The following FAT3 variants were observed in gnomAD, a reference collection of about 807,000 sequenced individuals.
The protein encoded by FAT3 is FAT atypical cadherin 3, also known as protocadherin Fat 3.
FAT3 carries 95 observed loss-of-function variants against 310.2 expected under a neutral mutation model. The ratio of observed to expected loss-of-function variants is 0.31; its 90% confidence interval spans 0.26 to 0.36. The LOEUF is 0.36. FAT3 is among the 10% of genes least tolerant of loss of function. FAT3 has a pLI of 1.00. For synonymous variants in FAT3, 2,314 were observed against 2,192.9 expected, an observed-to-expected ratio of 1.06 and a Z score of -1.54; for missense variants, 5,408 against 5,715.6, an observed-to-expected ratio of 0.95 and a Z score of 1.74.
chr11:92,308,886 C>T (rs1947211352), intron 1 of FAT3, among the ~76,000 whole-genome samples: 1 of 151,918 alleles, frequency 6.6e-6, no homozygotes, highest in African/African-American at 2.4e-5. Context: ...AGTTTCCAGG[C>T]TGTTTTGTTT....
At chr11:92,674,671 C>T in intron 3 of FAT3, among the ~76,000 whole-genome samples, 1 of 152,164 alleles carries the variant, frequency 6.6e-6, no homozygotes, top group Non-Finnish European at 1.5e-5. Flanking sequence ...TACAGGCATG[C>T]TCCACCATGC....
At position 92,883,343 on chromosome 11, in the gene FAT3, G is replaced by A. The variant is rs770812535; in HGVS notation, c.12887G>A (p.Arg4296His). ...AACCTCCCCGCCGTGTCACCCTGCC[G>A]CTCCGACTGCGACTCCATCCGGAAG... ...APNLPAVSPC[R>H]SDCDSIRKNG... Residue 4296 changes from arginine (R) to histidine (H), a missense_variant, in exon 24 of 28, where the codon CGC becomes CAC. By Grantham distance (29) the Arg-to-His change is conservative. Coordinates refer to ENST00000525166, the MANE Select transcript of FAT3 (RefSeq NM_001367949.2). This position sits in a 1 kb window ranked among gnomAD's most constrained non-coding sequence, Gnocchi z 4.2. The A allele has an allele frequency of 1.2e-6, 2 of 1,609,838 alleles. No homozygotes were observed. Among genetic ancestry groups the A allele is most frequent in the South Asian group, 2.2e-5 (2 of 90,942 alleles).
intron 3 of FAT3, among the ~76,000 whole-genome samples, chr11:92,666,796 A>C (rs937856560): frequency 6.6e-6 from 1 of 152,160 alleles, no homozygotes; most frequent in Non-Finnish European, 1.5e-5. Context: ...TAGTCCAGCC[A>C]TATTGCCGCA....
At chr11:92,397,000 C>T (rs1432990837) in intron 2 of FAT3, among the ~76,000 whole-genome samples, 3 of 152,134 alleles carry the variant, frequency 2.0e-5, no homozygotes, top group African/African-American at 7.2e-5. Context: ...AGCCACCACG[C>T]CTTGGCCCTC....
At position 92,844,060 on chromosome 11, in the gene FAT3, T is replaced by G. The variant is rs1161936028; in HGVS notation, c.10693T>G (p.Phe3565Val). 8 of 1,613,976 alleles carry G rather than the reference T, an allele frequency of 5.0e-6. No individual in the cohort carries two copies. Among genetic ancestry groups the G allele is most frequent in the Non-Finnish European group, 3.4e-6 (4 of 1,179,886 alleles). ...EIFIVTMEDDFPGGVIGKIHA... is the reference protein window; with the variant it reads ...EIFIVTMEDDVPGGVIGKIHA... ...TTTCATTGTCACCATGGAGGATGAC[T>G]TTCCTGGTGGGGTCATTGGGAAGAT... Residue 3565 changes from phenylalanine (F) to valine (V), a missense_variant, in exon 19 of 28, where the codon TTT becomes GTT. Coordinates refer to ENST00000525166, the MANE Select transcript of FAT3 (RefSeq NM_001367949.2).
Position 92,883,135 on chromosome 11 carries a change from C to T in FAT3, c.12679C>T (p.Pro4227Ser), listed in dbSNP as rs761828704. 6.2e-7 allele frequency: 1 copy of T among 1,613,580 alleles called. No individual in the cohort carries two copies. Among genetic ancestry groups the T allele is most frequent in the Non-Finnish European group, 8.5e-7 (1 of 1,179,858 alleles). The change falls in exon 24 of 28, where the codon CCC becomes TCC. Residue 4227 changes from proline (P) to serine (S), a missense_variant. Transcript: ENST00000525166. The surrounding 1 kb of genome is among the most constrained non-coding windows in gnomAD (Gnocchi z 4.2). ...CCGCAACGTCTACCAGGAGGTGGGG[C>T]CCCCGCAGGTCCCCGTGCGCCCCAT... ...DGRNVYQEVG[P>S]PQVPVRPMAY...
rs765437442 is a variant in FAT3 at position 92,800,996 on chromosome 11, C to T, written c.7983C>T (p.Val2661=). The T allele has an allele frequency of 6.2e-7, 1 of 1,613,394 alleles. No homozygotes were observed. The highest frequency in any genetic ancestry group is 8.5e-7 in the Non-Finnish European group (1 of 1,179,688). ...LEIDPDNGWM[V]TKGNFNQLKN... ...TCGATCCTGACAATGGCTGGATGGT[C>T]ACAAAGGGTAATTTTAACCAGCTGA... The change falls in exon 10 of 28, where the codon GTC becomes GTT. Residue 2661 remains valine, a synonymous_variant. Transcript: ENST00000525166.
intron 3 of FAT3, among the ~76,000 whole-genome samples, chr11:92,604,313 A>C (rs1940172296): frequency 6.6e-6 from 1 of 152,182 alleles, no homozygotes; most frequent in Non-Finnish European, 1.5e-5. Flanking sequence ...ATGACTTTGT[A>C]CTCAGGGAAT....
At chr11:92,371,469 C>T (rs371278978) in intron 2 of FAT3, among the ~76,000 whole-genome samples, 121 of 152,308 alleles carry the variant, frequency 7.9e-4, no homozygotes, top group African/African-American at 2.8e-3. Flanking sequence ...ATAATCCCAG[C>T]ACTTTGGGAA....
chr11:92,288,549 C>T (rs1434856080), intron 1 of FAT3, among the ~76,000 whole-genome samples: 1 of 152,090 alleles, frequency 6.6e-6, no homozygotes, highest in African/African-American at 2.4e-5. Flanking sequence ...CTTTCCTCAT[C>T]TTAAATCCTC....
intron 2 of FAT3, among the ~76,000 whole-genome samples, chr11:92,433,521 C>T (rs1055028225): frequency 2.6e-5 from 4 of 152,070 alleles, no homozygotes; most frequent in Admixed American, 1.3e-4. Flanking sequence ...CTGGGTGAGG[C>T]GATGCCCCAC....
rs994805386 is a variant in FAT3, at chr11:92,524,587, T to C, written c.3293-47T>C. On this transcript the variant is annotated intron_variant, in intron 2 of 27. Coordinates refer to ENST00000525166, the MANE Select transcript of FAT3 (RefSeq NM_001367949.2). Reference sequence around the variant, plus strand: ...TTGGAATTTGAGATTATTTATTTAATGTCTTCCCTTTCTCTGTGACAGTAA... The same window carrying C: ...TTGGAATTTGAGATTATTTATTTAACGTCTTCCCTTTCTCTGTGACAGTAA... 2.6e-6 allele frequency: 4 copies of C among 1,554,536 alleles called. No individual in the cohort carries two copies. The African/African-American group carries it at 4.1e-5, about 16-fold the overall frequency.
chr11:92,792,807 G>C lies in FAT3; in HGVS notation c.4652G>C (p.Arg1551Pro). ...QEFPYRRNLA[R>P]VIVNVEDAND... is the part of the protein sequence containing the mutation. ...TTTCCTTATCGAAGAAACTTGGCCC[G>C]AGTCATTGTGAATGTGGAGGATGCT... The change falls in exon 9 of 28, where the codon CGA (arginine) becomes CCA (proline). Residue 1551 changes from arginine to proline, a missense_variant. Coordinates refer to ENST00000525166, the MANE Select transcript of FAT3 (RefSeq NM_001367949.2). 6.2e-7 allele frequency: 1 copy of C among 1,613,796 alleles called. No homozygotes were observed. The highest frequency in any genetic ancestry group is 8.5e-7 in the Non-Finnish European group (1 of 1,179,764).
At chr11:92,226,521 G>A (rs1417679999) in intron 1 of FAT3, among the ~76,000 whole-genome samples, 2 of 152,046 alleles carry the variant, frequency 1.3e-5, no homozygotes, top group Non-Finnish European at 2.9e-5. Flanking sequence ...CTCCCGGGGT[G>A]TGGGTGTGCT....
intron 3 of FAT3, among the ~76,000 whole-genome samples, chr11:92,677,045 G>A (rs1016823355): frequency 2.2e-4 from 33 of 152,176 alleles, no homozygotes; most frequent in Non-Finnish European, 3.1e-4. Context: ...GATGAGCTAC[G>A]TGGTTAAACT....
intron 4 of FAT3, among the ~76,000 whole-genome samples, chr11:92,711,615 G>A (rs749751647): frequency 5.9e-5 from 9 of 152,172 alleles, no homozygotes; most frequent in Non-Finnish European, 1.3e-4. Context: ...TCCCTTGGCT[G>A]GATCTGTAAT....
At chr11:92,356,426 A>G (rs79117198) in intron 2 of FAT3, among the ~76,000 whole-genome samples, 11,817 of 152,246 alleles carry the variant, frequency 0.078, 666 homozygotes, top group African/African-American at 0.15. Context: ...AAGCTGCTAT[A>G]GCAAAATACC....
intron 1 of FAT3, among the ~76,000 whole-genome samples, chr11:92,329,130 A>G (rs1947841115): frequency 6.7e-6 from 1 of 148,424 alleles, no homozygotes; most frequent in African/African-American, 2.5e-5. Flanking sequence ...AATTGGTGCT[A>G]TAGTTTCAGC....
At chr11:92,820,821 G>A (rs1947947159) in intron 13 of FAT3, among the ~76,000 whole-genome samples, 3 of 152,184 alleles carry the variant, frequency 2.0e-5, no homozygotes, top group African/African-American at 7.2e-5. Flanking sequence ...CATGGAACAA[G>A]AGAGAACTAG....
Sources: gnomAD v4.1 joint callset for allele counts (sites outside exome capture counted in the v4.1 genomes callset) on GRCh38, gnomAD v4.1.1 for gene constraint, Gnocchi (gnomAD v3.1) non-coding constraint, MANE v1.5 for transcripts, NCBI Gene and HGNC (gene_info 2026-07-23, HGNC 2026-07-21) for gene names.